Variants in ANXA10 observed in about 807,000 individuals in gnomAD.
ANXA10 encodes annexin 14.
ANXA10 carries 49 observed loss-of-function variants against 53.5 expected under a neutral mutation model. The observed-to-expected ratio is 0.92, with a 90% CI of 0.73 to 1.16. ANXA10 has a LOEUF of 1.16. Ranked by LOEUF, ANXA10 falls within the 50% of genes most tolerant of loss-of-function variation. The pLI, the probability that ANXA10 is intolerant of heterozygous loss-of-function variation, is 0.00. For missense variants in ANXA10, 393 were observed against 394.4 expected, an observed-to-expected ratio of 1.00 and a Z score of 0.03; for synonymous variants, 131 against 128.9, an observed-to-expected ratio of 1.02 and a Z score of -0.11.
At chr4:168,157,354 G>A (rs1054727434) in intron 3 of ANXA10, among the ~76,000 whole-genome samples, 9 of 151,630 alleles carry the variant, frequency 5.9e-5, no homozygotes, top group African/African-American at 7.3e-5. Flanking sequence ...TGCAACCTCC[G>A]CCACCCAGGT....
At chr4:168,184,242 T>A (rs1222322210) in intron 10 of ANXA10, among the ~76,000 whole-genome samples, 1 of 152,046 alleles carries the variant, frequency 6.6e-6, no homozygotes, top group Non-Finnish European at 1.5e-5. Context: ...TTAACAAGGC[T>A]AGAAAGGGGG....
chr4:168,134,143 C>T (rs778649963), intron 2 of ANXA10, among the ~76,000 whole-genome samples: 1 of 151,976 alleles, frequency 6.6e-6, no homozygotes, highest in Non-Finnish European at 1.5e-5. Flanking sequence ...ACAAAAATAA[C>T]ATAACTGGGA....
intron 3 of ANXA10, among the ~76,000 whole-genome samples, chr4:168,155,096 C>A (rs1731581555): frequency 1.3e-5 from 2 of 150,728 alleles, no homozygotes; most frequent in South Asian, 4.2e-4. Context: ...CTACCCAGAA[C>A]AGTACCTTCT....
intron 2 of ANXA10, among the ~76,000 whole-genome samples, chr4:168,129,658 A>G (rs189391318): frequency 1.3e-5 from 2 of 152,266 alleles, no homozygotes; most frequent in African/African-American, 4.8e-5. Flanking sequence ...AAAGACAATA[A>G]CTAATGTTTT....
chr4:168,156,081 A>G (rs1160563239), intron 3 of ANXA10, among the ~76,000 whole-genome samples: 1 of 70,372 alleles, frequency 1.4e-5, no homozygotes, highest in Non-Finnish European at 2.4e-5. Flanking sequence ...TATATATATT[A>G]TATATAATAT....
At chr4:168,178,820 A>G (rs1371108005) in intron 8 of ANXA10, among the ~76,000 whole-genome samples, 1 of 152,330 alleles carries the variant, frequency 6.6e-6, no homozygotes, top group East Asian at 1.9e-4. Context: ...CATCACAGAG[A>G]GGACTTTTAC....
chr4:168,108,031 C>T (rs1177378111), intron 1 of ANXA10, among the ~76,000 whole-genome samples: 1 of 152,114 alleles, frequency 6.6e-6, no homozygotes, highest in Admixed American at 6.6e-5. Flanking sequence ...AAAAATCATT[C>T]CCCTTTTTAG....
chr4:168,136,880 A>G (rs1216072515), intron 2 of ANXA10, among the ~76,000 whole-genome samples: 1 of 152,206 alleles, frequency 6.6e-6, no homozygotes, highest in Non-Finnish European at 1.5e-5. Flanking sequence ...TCTGCAGCAG[A>G]TGTCTGCTTG....
intron 1 of ANXA10, among the ~76,000 whole-genome samples, chr4:168,112,743 C>T (rs1189632977): frequency 2.0e-5 from 3 of 152,016 alleles, no homozygotes; most frequent in Non-Finnish European, 4.4e-5. Context: ...ATCTCCCTGC[C>T]GGCATGGTGG....
At chr4:168,176,015 T>C (rs943473791) in intron 6 of ANXA10, among the ~76,000 whole-genome samples, 5 of 152,138 alleles carry the variant, frequency 3.3e-5, no homozygotes, top group Non-Finnish European at 7.3e-5. Context: ...GTCATCATAC[T>C]TTTATTGGGT....
At chr4:168,168,220 A>G (rs1195052726) in intron 6 of ANXA10, among the ~76,000 whole-genome samples, 1 of 152,146 alleles carries the variant, frequency 6.6e-6, no homozygotes, top group Non-Finnish European at 1.5e-5. Context: ...TCTGTCTTCA[A>G]CCCAGGGAAG....
intron 1 of ANXA10, among the ~76,000 whole-genome samples, chr4:168,097,832 G>A (rs1730576825): frequency 1.3e-5 from 2 of 152,058 alleles, no homozygotes; most frequent in East Asian, 1.9e-4. Flanking sequence ...TGGAATAGGA[G>A]GTAAAAGTCA....
chr4:168,175,515 C>A (rs1578935864), intron 6 of ANXA10, among the ~76,000 whole-genome samples: 2 of 152,164 alleles, frequency 1.3e-5, no homozygotes, highest in African/African-American at 4.8e-5. Flanking sequence ...AGACCTTGGG[C>A]AATTCACTTA....
rs114077264 is a variant in ANXA10, at chr4:168,146,228, A to C, written c.195+6648A>C. Among the ~76,000 whole-genome samples, 1,298 of 152,240 alleles carry C rather than the reference A, an allele frequency of 8.5e-3. 10 individuals are homozygous for C. Among genetic ancestry groups the C allele is most frequent in the Middle Eastern group, 0.027 (8 of 294 alleles). On this transcript the variant is annotated intron_variant, in intron 3 of 11. Coordinates refer to ENST00000359299, the MANE Select transcript of ANXA10 (RefSeq NM_007193.5). ...CTGGCCTTGAGTGGCATTTTTAATAAAACTGCATGATGGTCAGATTTCAAG... is the reference window on the plus strand; with the variant it reads ...CTGGCCTTGAGTGGCATTTTTAATACAACTGCATGATGGTCAGATTTCAAG...
intron 1 of ANXA10, among the ~76,000 whole-genome samples, chr4:168,103,447 CT>C (rs1213769996): frequency 6.6e-6 from 1 of 151,860 alleles, no homozygotes; most frequent in East Asian, 1.9e-4. Context: ...GTTTTCACTA[CT>C]TTGTCAAAAG....
chr4:168,106,695 G>A (rs1730724718), intron 1 of ANXA10, among the ~76,000 whole-genome samples: 1 of 152,090 alleles, frequency 6.6e-6, no homozygotes, highest in Admixed American at 6.6e-5. Context: ...TTACTTTAGT[G>A]AGATATCTAT....
At chr4:168,101,779 T>C (rs948675598) in intron 1 of ANXA10, among the ~76,000 whole-genome samples, 1 of 152,158 alleles carries the variant, frequency 6.6e-6, no homozygotes, top group Non-Finnish European at 1.5e-5. Flanking sequence ...TTTACTTTTG[T>C]ACATGTGTAT....
At chr4:168,153,839 T>G (rs73862561) in intron 3 of ANXA10, among the ~76,000 whole-genome samples, 1 of 152,222 alleles carries the variant, frequency 6.6e-6, no homozygotes, top group Non-Finnish European at 1.5e-5. Flanking sequence ...TATTTTGCAC[T>G]GTGAGGATTC....
At chr4:168,148,381 G>T (rs1241587342) in intron 3 of ANXA10, among the ~76,000 whole-genome samples, 1 of 152,088 alleles carries the variant, frequency 6.6e-6, no homozygotes, top group Non-Finnish European at 1.5e-5. Flanking sequence ...TGGCCAGGCT[G>T]GTCTTGAATT....
Sources: allele counts gnomAD v4.1 joint callset (sites outside exome capture counted in the v4.1 genomes callset), GRCh38; gene constraint gnomAD v4.1.1; transcripts MANE v1.5; gene names NCBI Gene and HGNC (gene_info 2026-07-23, HGNC 2026-07-21).